The following ACYP2 variants were observed in gnomAD, a reference collection of about 807,000 sequenced individuals.
ACYP2 encodes the protein acylphosphatase-2.
ACYP2 carries 12 observed loss-of-function variants against 11.2 expected under a neutral mutation model. The observed-to-expected ratio is 1.08, with a 90% CI of 0.69 to 1.74. The LOEUF is 1.74. Among genes scored for constraint, ACYP2 ranks in the 40% most tolerant of loss-of-function variants. The probability of loss-of-function intolerance (pLI) is 0.00; values close to 1 mark genes in which losing one functional copy is unlikely to be tolerated. For synonymous variants in ACYP2, 43 were observed against 32.2 expected (o/e 1.33, Z -1.13); for missense variants, 134 against 101.9 (o/e 1.31, Z -1.35).
intron 5 of ACYP2, among the ~76,000 whole-genome samples, chr2:54,136,205 A>T (rs182215412): frequency 0.067 from 10,196 of 151,962 alleles, 522 homozygotes; most frequent in East Asian, 0.3. Flanking sequence ...AGCCAAGCTA[A>T]TTTTTTTTAA....
intron 2 of ACYP2, among the ~76,000 whole-genome samples, chr2:54,021,799 T>G (rs1453613388): frequency 6.6e-6 from 1 of 152,156 alleles, no homozygotes; most frequent in Non-Finnish European, 1.5e-5. Context: ...TGAGGGAGCT[T>G]TTTATTTTAC....
chr2:54,197,739 G>C (rs918223046), intron 6 of ACYP2, among the ~76,000 whole-genome samples: 6 of 152,136 alleles, frequency 3.9e-5, no homozygotes, highest in African/African-American at 1.4e-4. Context: ...GAAGGCTAGT[G>C]GGGTGGAAGG....
intron 6 of ACYP2, among the ~76,000 whole-genome samples, chr2:54,275,689 A>G (rs1243871857): frequency 6.6e-6 from 1 of 152,216 alleles, no homozygotes; most frequent in Non-Finnish European, 1.5e-5. Context: ...TCTAAGGAAC[A>G]TCAAGCATAG....
rs143817930 is a variant in ACYP2, at chr2:54,188,932, C to T, written c.404+50184C>T. Among the ~76,000 whole-genome samples the T allele has an allele frequency of 6.6e-3, 1,006 of 152,300 alleles. 18 individuals are homozygous for T. Among genetic ancestry groups the T allele is most frequent in the African/African-American group, 0.023 (973 of 41,556 alleles). Reference sequence around the variant, plus strand: ...AGCCCCTCCGCTCGTACTCTGGATCCTAGCCCACCTGCCTACCCAAGGACT... The same window carrying T: ...AGCCCCTCCGCTCGTACTCTGGATCTTAGCCCACCTGCCTACCCAAGGACT... On this transcript the variant is annotated intron_variant, in intron 6 of 6. Coordinates refer to ENST00000607452, the MANE Select transcript of ACYP2 (RefSeq NM_001320586.2).
At chr2:53,986,087 A>G (rs1437627369) in intron 2 of ACYP2, among the ~76,000 whole-genome samples, 1 of 152,104 alleles carries the variant, frequency 6.6e-6, no homozygotes, top group Non-Finnish European at 1.5e-5. Flanking sequence ...AGATAATGCC[A>G]CTGCACTCCA....
chr2:54,191,807 T>G (rs1157509831), intron 6 of ACYP2, among the ~76,000 whole-genome samples: 1 of 152,216 alleles, frequency 6.6e-6, no homozygotes, highest in African/African-American at 2.4e-5. Flanking sequence ...CATCTTAACC[T>G]GCTTCATTTT....
intron 2 of ACYP2, among the ~76,000 whole-genome samples, chr2:53,979,301 A>G (rs1341272758): frequency 2.6e-5 from 4 of 152,146 alleles, no homozygotes; most frequent in Admixed American, 6.5e-5. Flanking sequence ...AAGAAAAAAT[A>G]TATAAAAGTT....
chr2:54,242,254 A>T (rs766577603), intron 6 of ACYP2, among the ~76,000 whole-genome samples: 2 of 152,198 alleles, frequency 1.3e-5, no homozygotes, highest in Non-Finnish European at 2.9e-5. Context: ...CATCTATACA[A>T]CGTCAAACAA....
At chr2:54,154,783 C>T (rs1050759696) in intron 6 of ACYP2, among the ~76,000 whole-genome samples, 18 of 152,112 alleles carry the variant, frequency 1.2e-4, no homozygotes, top group Non-Finnish European at 2.4e-4. Flanking sequence ...TAATGCTAAC[C>T]TCATAAAAAG....
chr2:54,085,487 G>A (rs1288079481), intron 4 of ACYP2, among the ~76,000 whole-genome samples: 1 of 152,196 alleles, frequency 6.6e-6, no homozygotes, highest in South Asian at 2.1e-4. Context: ...TCTTAAATGT[G>A]TATATAGCTC....
intron 4 of ACYP2, among the ~76,000 whole-genome samples, chr2:54,113,539 C>A (rs1679570719): frequency 6.6e-6 from 1 of 151,912 alleles, no homozygotes; most frequent in Non-Finnish European, 1.5e-5. Flanking sequence ...AGCCACCGTG[C>A]AGGCCAAGAT....
intron 4 of ACYP2, among the ~76,000 whole-genome samples, chr2:54,067,238 C>T (rs1010479789): frequency 2.6e-5 from 4 of 152,154 alleles, no homozygotes; most frequent in Admixed American, 2.6e-4. Flanking sequence ...AGATCACCAA[C>T]AACAGTGTCA....
intron 4 of ACYP2, among the ~76,000 whole-genome samples, chr2:54,129,299 A>G (rs1023877396): frequency 6.6e-6 from 1 of 152,072 alleles, no homozygotes; most frequent in Admixed American, 6.5e-5. Flanking sequence ...TTTAATTAAA[A>G]TTTTTATTTT....
chr2:54,240,015 T>C (rs1179442860), intron 6 of ACYP2, among the ~76,000 whole-genome samples: 1 of 152,212 alleles, frequency 6.6e-6, no homozygotes, highest in African/African-American at 2.4e-5. Context: ...CCAGAAGGAA[T>C]TGTGACTCCA....
At chr2:54,085,920 ACT>A (rs1434026943) in intron 4 of ACYP2, among the ~76,000 whole-genome samples, 1 of 151,978 alleles carries the variant, frequency 6.6e-6, no homozygotes, top group African/African-American at 2.4e-5. Flanking sequence ...ACCTCTGGTG[ACT>A]CTAAAAGTTT....
intron 4 of ACYP2, among the ~76,000 whole-genome samples, chr2:54,093,580 C>T (rs1678347943): frequency 6.6e-6 from 1 of 152,296 alleles, no homozygotes; most frequent in African/African-American, 2.4e-5. Flanking sequence ...TGTCTGGGTA[C>T]AGGTCACTTC....
chr2:54,035,265 C>CTTTTTTT (rs895749612), intron 2 of ACYP2, among the ~76,000 whole-genome samples: 43 of 126,022 alleles, frequency 3.4e-4, no homozygotes, highest in African/African-American at 4.2e-4. Context: ...TTTTCTTTTT[C>CTTTTTTT]TTTTTTTTTT....
At chr2:54,137,070 A>G (rs997883172) in intron 5 of ACYP2, among the ~76,000 whole-genome samples, 9 of 152,186 alleles carry the variant, frequency 5.9e-5, no homozygotes, top group African/African-American at 1.4e-4. Context: ...TGCTACTTAC[A>G]TAGCATAACT....
At chr2:54,301,360 A>G (rs1689718016) in intron 6 of ACYP2, among the ~76,000 whole-genome samples, 1 of 152,196 alleles carries the variant, frequency 6.6e-6, no homozygotes. Context: ...GTCTCTGAGT[A>G]CCTTGACCAG....
Sources: allele counts gnomAD v4.1 joint callset (sites outside exome capture counted in the v4.1 genomes callset), GRCh38; gene constraint gnomAD v4.1.1; transcripts MANE v1.5; gene names NCBI Gene and HGNC (gene_info 2026-07-23, HGNC 2026-07-21).